Variants in ATP2B2 observed in about 807,000 individuals in gnomAD.
ATP2B2 encodes plasma membrane calcium-transporting ATPase 2.
In ATP2B2, 15 loss-of-function variants were observed where a neutral mutation model predicts 120.0. The ratio of observed to expected loss-of-function variants is 0.12; its 90% CI spans 0.08 to 0.19. The LOEUF (loss-of-function observed/expected upper bound fraction) is 0.19. ATP2B2 is among the 10% of genes least tolerant of loss of function. The pLI is 1.00. For missense variants in ATP2B2, 1,045 were observed against 1,719.8 expected (o/e 0.61, Z 6.94); for synonymous variants, 694 against 700.3 (o/e 0.99, Z 0.14).
At chr3:10,543,838 G>C (rs984516674) in intron 2 of ATP2B2, among the ~76,000 whole-genome samples, 1 of 151,416 alleles carries the variant, frequency 6.6e-6, no homozygotes, top group Non-Finnish European at 1.5e-5. Flanking sequence ...TCCTGGGTTC[G>C]AGAAATTCTC....
At chr3:10,663,778 C>A (rs556631240) in intron 1 of ATP2B2, among the ~76,000 whole-genome samples, 1 of 152,124 alleles carries the variant, frequency 6.6e-6, no homozygotes, top group African/African-American at 2.4e-5. Flanking sequence ...TGGCAAGGAC[C>A]ACCTCCCAGA....
intron 17 of ATP2B2, 64 bp from the exon 18 acceptor site, chr3:10,345,639 C>T (rs2060409647): frequency 2.0e-6 from 3 of 1,482,104 alleles, no homozygotes; most frequent in Admixed American, 3.5e-5. Context: ...TCTAGCATCA[C>T]CATCCTCACT....
intron 2 of ATP2B2, among the ~76,000 whole-genome samples, chr3:10,618,825 G>A (rs2069467737): frequency 6.6e-6 from 1 of 152,144 alleles, no homozygotes; most frequent in Non-Finnish European, 1.5e-5. Context: ...AACCCAAATT[G>A]CCCATAATCT....
chr3:10,512,381 T>C (rs749573139), intron 3 of ATP2B2, among the ~76,000 whole-genome samples: 5 of 151,992 alleles, frequency 3.3e-5, no homozygotes, highest in Non-Finnish European at 5.9e-5. Flanking sequence ...GGGGCCTGCA[T>C]GTCCAGCCTG....
chr3:10,678,516 C>G lies in ATP2B2; in HGVS notation c.-460+29399G>C, dbSNP rs143196323. On this transcript the variant is annotated intron_variant, in intron 1 of 21. Transcript: ENST00000646379. ...AGATGCTGGCCCTGGCTTCTGGGGG[C>G]CCAGGTCTAACCAAGAAAATGGCCC... 4.5e-3 allele frequency among the ~76,000 whole-genome samples: 689 copies of G among 152,254 alleles called. 7 individuals carry two copies. Among genetic ancestry groups the G allele is most frequent in the African/African-American group, 0.015 (625 of 41,560 alleles).
At chr3:10,624,152 C>CA (rs2069627827) in intron 1 of ATP2B2, among the ~76,000 whole-genome samples, 1 of 152,142 alleles carries the variant, frequency 6.6e-6, no homozygotes, top group Non-Finnish European at 1.5e-5. Flanking sequence ...CAGTATTTCC[C>CA]ATATTAACTT....
intron 2 of ATP2B2, among the ~76,000 whole-genome samples, chr3:10,615,217 C>T (rs2069352329): frequency 6.6e-6 from 1 of 152,136 alleles, no homozygotes; most frequent in Admixed American, 6.5e-5. Context: ...GCGAGCAGAT[C>T]TGTGTTTTCA....
At chr3:10,627,963 G>A (rs372485024) in intron 1 of ATP2B2, among the ~76,000 whole-genome samples, 1 of 152,162 alleles carries the variant, frequency 6.6e-6, no homozygotes, top group Non-Finnish European at 1.5e-5. Context: ...TCAGGGAGGC[G>A]ACTCAAGCTG....
intron 1 of ATP2B2, among the ~76,000 whole-genome samples, chr3:10,622,057 A>G (rs537009004): frequency 6.6e-6 from 1 of 152,300 alleles, no homozygotes; most frequent in East Asian, 1.9e-4. Flanking sequence ...CCTGATGCCC[A>G]TATGAGGCAG....
chr3:10,678,073 A>G (rs2071287700), intron 1 of ATP2B2, among the ~76,000 whole-genome samples: 3 of 152,156 alleles, frequency 2.0e-5, no homozygotes, highest in Admixed American at 6.6e-5. Flanking sequence ...GTGTGGCTCC[A>G]ATGTCCATGC....
intron 1 of ATP2B2, among the ~76,000 whole-genome samples, chr3:10,481,342 C>T (rs1227882617): frequency 2.0e-5 from 3 of 151,900 alleles, no homozygotes; most frequent in African/African-American, 7.3e-5. Flanking sequence ...GGCACACCAG[C>T]ATACTCCACC....
chr3:10,345,333 G>A (rs768243177), intron 18 of ATP2B2, 51 bp downstream of exon 18: 2 of 1,601,858 alleles, frequency 1.2e-6, no homozygotes, highest in East Asian at 2.2e-5. Context: ...GAGCCTCTGT[G>A]GGGGGTCTCC....
At chr3:10,459,218 C>A (rs1010453156) in intron 1 of ATP2B2, among the ~76,000 whole-genome samples, 1 of 152,230 alleles carries the variant, frequency 6.6e-6, no homozygotes, top group Non-Finnish European at 1.5e-5. Context: ...TGCCTGCCTT[C>A]CAAAATTTGT....
At chr3:10,398,556 T>C (rs111405099) in intron 5 of ATP2B2, among the ~76,000 whole-genome samples, 1 of 152,324 alleles carries the variant, frequency 6.6e-6, no homozygotes, top group East Asian at 1.9e-4. Flanking sequence ...GGATCCCTGC[T>C]GAGACATGGA....
rs554215470 is a variant in ATP2B2 at position 10,395,878 on chromosome 3, G to A, written c.781+5075C>T. On this transcript the variant is annotated intron_variant, in intron 5 of 22. Coordinates refer to ENST00000360273, the MANE Select transcript of ATP2B2 (RefSeq NM_001001331.4). Reference sequence around the variant, plus strand: ...GCTGTGGTTTGGGTTTGGCACCTGTGCTCTCCCTACCTGGCCCTGCAGACA... The same window carrying A: ...GCTGTGGTTTGGGTTTGGCACCTGTACTCTCCCTACCTGGCCCTGCAGACA... Among the ~76,000 whole-genome samples the A allele has an allele frequency of 2.0e-5, 3 of 152,326 alleles. No individual in the cohort carries two copies. The South Asian group carries it at 6.2e-4, about 32-fold the overall frequency.
In ATP2B2 at chr3:10,336,373, G is replaced by A. The variant is rs990090915; in HGVS notation, c.3420+1803C>T. 2.4e-5 allele frequency: 34 copies of A among 1,441,480 alleles called. No homozygotes were observed. The Middle Eastern group carries it at 7.2e-4, about 31-fold the overall frequency. The allele number at this position is 1,441,480 out of a possible 1,614,324, so 89.3% of individuals were successfully genotyped here. A position where few individuals can be genotyped will look rare whatever the true frequency, so the allele number is the denominator to read the frequency against. On this transcript the variant is annotated intron_variant, in intron 22 of 22. Transcript: ENST00000360273. ...ACGGCTACATGACTGACAGGGCAAC[G>A]TCACAAGAACAGCCGCAGCCACGGC...
chr3:10,534,898 GTTT>G (rs59467255), intron 2 of ATP2B2, among the ~76,000 whole-genome samples: 1,341 of 87,754 alleles, frequency 0.015, 19 homozygotes, highest in African/African-American at 0.044. Context: ...CATTTATTTG[GTTT>G]TTTTTTTTTT....
chr3:10,596,652 A>G (rs2068770974), intron 2 of ATP2B2, among the ~76,000 whole-genome samples: 1 of 152,264 alleles, frequency 6.6e-6, no homozygotes, highest in African/African-American at 2.4e-5. Flanking sequence ...AGTCCCAGAC[A>G]GGATTGTGAA....
chr3:10,350,850 G>A (rs1264467219), intron 14 of ATP2B2, among the ~76,000 whole-genome samples: 1 of 152,152 alleles, frequency 6.6e-6, no homozygotes, highest in Non-Finnish European at 1.5e-5. Context: ...TGACCATGAC[G>A]GTCCATCCTG....
Sources: gnomAD v4.1 joint callset for allele counts (sites outside exome capture counted in the v4.1 genomes callset) on GRCh38, gnomAD v4.1.1 for gene constraint, MANE v1.5 for transcripts, NCBI Gene and HGNC (gene_info 2026-07-23, HGNC 2026-07-21) for gene names.